The following LIPC variants were observed in gnomAD, a reference collection of about 807,000 sequenced individuals.
LIPC encodes lipase C, hepatic type, also known as hepatic triacylglycerol lipase.
Under a neutral mutation model 50.7 loss-of-function variants are expected in LIPC, and 44 were observed. That is an observed-to-expected ratio of 0.87 (90% CI 0.68 to 1.11). LIPC has a LOEUF of 1.11. LIPC is among the 50% of genes most tolerant of loss of function. The probability of loss-of-function intolerance (pLI) is 0.00; values close to 1 mark genes in which losing one functional copy is unlikely to be tolerated. For missense variants in LIPC, 697 were observed against 648.2 expected, an observed-to-expected ratio of 1.08 and a Z score of -0.82; for synonymous variants, 271 against 256.4, an observed-to-expected ratio of 1.06 and a Z score of -0.54.
At chr15:58,555,540 AC>A (rs1170259134) in intron 6 of LIPC, among the ~76,000 whole-genome samples, 5 of 152,196 alleles carry the variant, frequency 3.3e-5, no homozygotes, top group African/African-American at 1.2e-4. Flanking sequence ...GCTCCACTGA[AC>A]TATCTGGATA....
At chr15:58,497,627 C>G (rs1450266265) in intron 1 of LIPC, 1 of 152,422 alleles carries the variant, frequency 6.6e-6, no homozygotes, top group East Asian at 1.9e-4. Flanking sequence ...GTACACCTCT[C>G]CAAAGCCCTC....
intron 1 of LIPC, chr15:58,456,249 G>A (rs1381081063): frequency 6.6e-6 from 1 of 152,010 alleles, no homozygotes; most frequent in African/African-American, 2.4e-5. Flanking sequence ...ATGAGATCAA[G>A]CCAAAAGAAA....
Position 58,566,236 on chromosome 15 carries a change from C to T in LIPC, c.1389-2480C>T, listed in dbSNP as rs911942011. 87 of 985,332 alleles carry T rather than the reference C, an allele frequency of 8.8e-5. 1 individual carries two copies. Among genetic ancestry groups the T allele is most frequent in the South Asian group, 4.7e-4 (10 of 21,290 alleles). 61.0% of individuals were successfully genotyped at this position (985,332 alleles called of 1,614,324 possible). A position where few individuals can be genotyped will look rare whatever the true frequency, so the allele number is the denominator to read the frequency against. On this transcript the variant is annotated intron_variant, in intron 8 of 8. Coordinates refer to ENST00000299022, the MANE Select transcript of LIPC (RefSeq NM_000236.3). ...TAAGAAGAAAGTTCAGACCCGTACACTTGGGGCTGTGCTGCAACATGCTTT... is the reference window on the plus strand; with the variant it reads ...TAAGAAGAAAGTTCAGACCCGTACATTTGGGGCTGTGCTGCAACATGCTTT...
At chr15:58,523,689 C>G (rs1892719794) in intron 1 of LIPC, among the ~76,000 whole-genome samples, 1 of 152,058 alleles carries the variant, frequency 6.6e-6, no homozygotes, top group Non-Finnish European at 1.5e-5. Flanking sequence ...GAGCCCGAGG[C>G]AGGAGGATCA....
At chr15:58,442,739 T>C (rs1289803072) in intron 1 of LIPC, among the ~76,000 whole-genome samples, 1 of 152,182 alleles carries the variant, frequency 6.6e-6, no homozygotes, top group African/African-American at 2.4e-5. Flanking sequence ...ACTCAGCTAA[T>C]AATTTCCTCT....
At chr15:58,447,412 C>A (rs913627381) in intron 1 of LIPC, among the ~76,000 whole-genome samples, 12 of 152,294 alleles carry the variant, frequency 7.9e-5, no homozygotes, top group African/African-American at 2.4e-4. Flanking sequence ...CTGGAAAACA[C>A]ACACGTATAT....
At position 58,567,343 on chromosome 15, in the gene LIPC, ATG is replaced by A. The variant is rs1238063697; in HGVS notation, c.1389-1371_1389-1370del. Among the ~76,000 whole-genome samples the A allele has an allele frequency of 5.0e-4, 8 of 15,944 alleles. No individual in the cohort carries two copies. In the East Asian group the frequency reaches 8.0e-3, roughly 16 times the overall value. 10.5% of individuals were successfully genotyped at this position (15,944 alleles called of 152,430 possible). A position where few individuals can be genotyped will look rare whatever the true frequency, so the allele number is the denominator to read the frequency against. On this transcript the variant is annotated intron_variant, in intron 8 of 8. Transcript: ENST00000299022. ...TATGTGTATATATATATATATGTAT[ATG>A]TATATATATATATGTATATGTATAT...
intron 8 of LIPC, among the ~76,000 whole-genome samples, chr15:58,564,364 T>A (rs1373737300): frequency 6.6e-6 from 1 of 152,052 alleles, no homozygotes; most frequent in Non-Finnish European, 1.5e-5. Context: ...TGCTGCTGTG[T>A]TTGATTTAAC....
intron 1 of LIPC, among the ~76,000 whole-genome samples, chr15:58,486,253 C>T (rs1891373084): frequency 6.6e-6 from 1 of 152,196 alleles, no homozygotes; most frequent in South Asian, 2.1e-4. Context: ...CAGAGCATCC[C>T]TCCCCCATCT....
chr15:58,434,472 C>T (rs997087590), intron 1 of LIPC, among the ~76,000 whole-genome samples: 1 of 152,182 alleles, frequency 6.6e-6, no homozygotes, highest in African/African-American at 2.4e-5. Flanking sequence ...TGCCGGCGGT[C>T]GCATAGCTGG....
intron 1 of LIPC, among the ~76,000 whole-genome samples, chr15:58,531,051 A>G (rs1287708168): frequency 6.6e-6 from 1 of 152,196 alleles, no homozygotes; most frequent in African/African-American, 2.4e-5. Flanking sequence ...GTAAGTGTAC[A>G]TTTGCCTTTA....
intron 1 of LIPC, among the ~76,000 whole-genome samples, chr15:58,447,799 G>C (rs1358995731): frequency 1.3e-5 from 2 of 152,190 alleles, no homozygotes; most frequent in African/African-American, 2.4e-5. Context: ...ACTACACTTT[G>C]AGAAGCGAAG....
chr15:58,517,873 C>A (rs770646024), intron 1 of LIPC, among the ~76,000 whole-genome samples: 2 of 152,180 alleles, frequency 1.3e-5, no homozygotes, highest in African/African-American at 4.8e-5. Context: ...AAGTGACAGA[C>A]GAGGAAATCA....
chr15:58,432,193 G>T, intron 1 of LIPC, 73 bp downstream of exon 1: 2 of 1,158,584 alleles, frequency 1.7e-6, no homozygotes, highest in Non-Finnish European at 1.3e-6. Context: ...AAGAATCCAG[G>T]GGTTTCTGAC....
chr15:58,469,997 A>G (rs1382144023), intron 1 of LIPC, among the ~76,000 whole-genome samples: 1 of 150,116 alleles, frequency 6.7e-6, no homozygotes, highest in Non-Finnish European at 1.5e-5. Context: ...CAGTGGTGCA[A>G]TCATGCCTCA....
At chr15:58,449,119 G>T (rs966725403) in intron 1 of LIPC, among the ~76,000 whole-genome samples, 2 of 152,164 alleles carry the variant, frequency 1.3e-5, no homozygotes, top group South Asian at 4.1e-4. Context: ...AGTCATGCTG[G>T]GGAGGCTCCA....
rs551327744 is a variant in LIPC, at chr15:58,528,956, T to C, written c.89-9377T>C. Among the ~76,000 whole-genome samples the C allele has an allele frequency of 1.9e-4, 29 of 152,278 alleles. 1 individual carries two copies. Among genetic ancestry groups the C allele is most frequent in the African/African-American group, 7.0e-4 (29 of 41,556 alleles). On this transcript the variant is annotated intron_variant, in intron 1 of 8. Coordinates refer to ENST00000299022, the MANE Select transcript of LIPC (RefSeq NM_000236.3). ...ATCCTTGTCTCCAGCAGTAACTTCA[T>C]GAGGTAGGTGGCTCTGGGCTGAGAC...
At chr15:58,497,405 G>A (rs1225733059) in intron 1 of LIPC, among the ~76,000 whole-genome samples, 3 of 152,194 alleles carry the variant, frequency 2.0e-5, no homozygotes, top group African/African-American at 7.2e-5. Flanking sequence ...GGGTCTCTGA[G>A]CCCAAAGACC....
intron 1 of LIPC, among the ~76,000 whole-genome samples, chr15:58,498,451 G>A (rs112694435): frequency 0.041 from 6,211 of 151,916 alleles, 165 homozygotes; most frequent in Non-Finnish European, 0.061. Context: ...TCTTGAGGTG[G>A]GTGATGAAAA....
Sources: allele counts gnomAD v4.1 joint callset (sites outside exome capture counted in the v4.1 genomes callset), GRCh38; gene constraint gnomAD v4.1.1; transcripts MANE v1.5; gene names NCBI Gene and HGNC (gene_info 2026-07-23, HGNC 2026-07-21).